IFFO2: variants seen among roughly 807,000 people sequenced by gnomAD.
IFFO2 encodes intermediate filament family orphan 2.
In IFFO2, 19 loss-of-function variants were observed where a neutral mutation model predicts 53.5. The observed-to-expected ratio is 0.36, with a 90% CI of 0.25 to 0.52. The LOEUF is 0.52. Ranked by LOEUF, IFFO2 falls within the 20% of genes least tolerant of loss-of-function variation. The probability of loss-of-function intolerance (pLI) is 0.94; values close to 1 mark genes in which losing one functional copy is unlikely to be tolerated. For synonymous variants in IFFO2, 303 were observed against 313.6 expected (o/e 0.97, Z 0.36); for missense variants, 570 against 727.4 (o/e 0.78, Z 2.49).
chr1:18,914,978 G>A (rs1337995135), intron 5 of IFFO2, among the ~76,000 whole-genome samples: 1 of 152,120 alleles, frequency 6.6e-6, no homozygotes, highest in Non-Finnish European at 1.5e-5. Flanking sequence ...TCTGTTTCAA[G>A]GGAATGGCAG....
At chr1:18,935,091 G>GC (rs1212525153) in intron 1 of IFFO2, among the ~76,000 whole-genome samples, 1 of 152,192 alleles carries the variant, frequency 6.6e-6, no homozygotes, top group Non-Finnish European at 1.5e-5. Flanking sequence ...TGCCCAGGGA[G>GC]CCAAGGAAAA....
At position 18,929,919 on chromosome 1, in the gene IFFO2, A is replaced by G. The variant is rs977600510; in HGVS notation, c.666-8798T>C. ...CCAGCCAAGCCAGAAAACAACTGCC[A>G]TGATCCCTGGACAAGCATCCTACAC... is the stretch of plus-strand genomic sequence containing the variant. On this transcript the variant is annotated intron_variant, in intron 1 of 8. Transcript: ENST00000455833. Among the ~76,000 whole-genome samples the G allele has an allele frequency of 2.6e-5, 4 of 152,216 alleles. 1 individual carries two copies. Among genetic ancestry groups the G allele is most frequent in the Non-Finnish European group, 5.9e-5 (4 of 68,036 alleles).
At chr1:18,914,635 G>A (rs527799652) in intron 5 of IFFO2, among the ~76,000 whole-genome samples, 24 of 151,818 alleles carry the variant, frequency 1.6e-4, no homozygotes, top group Admixed American at 3.9e-4. Context: ...TGGGCAACAC[G>A]GTAAAACCCA....
chr1:18,924,276 C>G (rs544889406), intron 1 of IFFO2, among the ~76,000 whole-genome samples: 2 of 151,822 alleles, frequency 1.3e-5, no homozygotes, highest in African/African-American at 4.8e-5. Flanking sequence ...TGCCCACCCA[C>G]CCAGAGCCAG....
chr1:18,930,083 A>C (rs1936355010), intron 1 of IFFO2, among the ~76,000 whole-genome samples: 1 of 152,166 alleles, frequency 6.6e-6, no homozygotes, highest in African/African-American at 2.4e-5. Flanking sequence ...AATCCCAGCT[A>C]TCCATCTTGC....
chr1:18,934,721 T>C (rs2148180980), intron 1 of IFFO2, among the ~76,000 whole-genome samples: 1 of 152,198 alleles, frequency 6.6e-6, no homozygotes, highest in East Asian at 1.9e-4. Context: ...TTTTCTCTTC[T>C]TATGAGATTG....
At chr1:18,910,097 T>A (rs753360293) in intron 8 of IFFO2, among the ~76,000 whole-genome samples, 5 of 152,188 alleles carry the variant, frequency 3.3e-5, no homozygotes, top group Admixed American at 6.5e-5. Context: ...TTGGCAAGTA[T>A]CTATTGAATC....
At position 18,908,513 on chromosome 1, in the gene IFFO2, T is replaced by G. The variant is rs1054292996; in HGVS notation, c.*48A>C. 2.2e-6 allele frequency: 3 copies of G among 1,366,552 alleles called. No homozygotes were observed. The highest frequency in any genetic ancestry group is 1.9e-4 in the Middle Eastern group (1 of 5,394). The allele number at this position is 1,366,552 out of a possible 1,614,324, so 84.7% of individuals were successfully genotyped here. A position where few individuals can be genotyped will look rare whatever the true frequency, so the allele number is the denominator to read the frequency against. On this transcript the variant is annotated 3_prime_UTR_variant, in exon 9 of 9. Transcript: ENST00000455833. Reference sequence around the variant, plus strand: ...GCCTTCCTGGCCCCATGAGGAGAGGTGGCAGGGCCCCATCACCAAGACCAC... The same window carrying G: ...GCCTTCCTGGCCCCATGAGGAGAGGGGGCAGGGCCCCATCACCAAGACCAC...
chr1:18,910,720 G>C (rs1016349589), intron 7 of IFFO2, among the ~76,000 whole-genome samples: 1 of 152,196 alleles, frequency 6.6e-6, no homozygotes, highest in Admixed American at 6.5e-5. Context: ...CAGCAGCCTG[G>C]CTCTGATGCA....
chr1:18,955,561 C>A, intron 1 of IFFO2, 107 bp downstream of exon 1: 2 of 1,408,906 alleles, frequency 1.4e-6, no homozygotes, highest in Non-Finnish European at 1.9e-6. Context: ...TCCAGCCCAC[C>A]TGCCAGTACC....
At chr1:18,932,956 C>G (rs751649584) in intron 1 of IFFO2, among the ~76,000 whole-genome samples, 1 of 152,234 alleles carries the variant, frequency 6.6e-6, no homozygotes, top group Non-Finnish European at 1.5e-5. Flanking sequence ...TCTGGAGACA[C>G]CCAGGCCCGG....
At chr1:18,941,904 G>A (rs1936526831) in intron 1 of IFFO2, among the ~76,000 whole-genome samples, 1 of 152,138 alleles carries the variant, frequency 6.6e-6, no homozygotes, top group Admixed American at 6.5e-5. Flanking sequence ...GGAGCCACAG[G>A]CTCCAGGTGA....
intron 1 of IFFO2, among the ~76,000 whole-genome samples, chr1:18,922,697 G>A (rs558269259): frequency 9.9e-4 from 151 of 152,236 alleles, no homozygotes; most frequent in African/African-American, 3.5e-3. Flanking sequence ...AGGGCTGGAG[G>A]GCACAGAGAA....
chr1:18,943,909 C>T (rs1046274631), intron 1 of IFFO2, among the ~76,000 whole-genome samples: 6 of 152,226 alleles, frequency 3.9e-5, no homozygotes, highest in East Asian at 1.9e-4. Flanking sequence ...GTACAGGCTC[C>T]GAGTCATGCC....
intron 1 of IFFO2, among the ~76,000 whole-genome samples, chr1:18,943,391 CT>C (rs1436522216): frequency 6.6e-6 from 1 of 151,926 alleles, no homozygotes. Context: ...AAAAAAATGT[CT>C]TTCCATATAA....
intron 1 of IFFO2, among the ~76,000 whole-genome samples, chr1:18,933,631 G>A (rs886463075): frequency 1.3e-5 from 2 of 152,200 alleles, no homozygotes; most frequent in African/African-American, 2.4e-5. Context: ...TGGTGGCACC[G>A]CTTATAGTCC....
At chr1:18,938,072 GAGGCCACTTGCAGCCACCCC>G (rs1936472019) in intron 1 of IFFO2, among the ~76,000 whole-genome samples, 1 of 148,882 alleles carries the variant, frequency 6.7e-6, no homozygotes, top group Admixed American at 6.9e-5. Context: ...GGCAAAGTGG[GAGGCCACTTGCAGCCACCCC>G]CTGTCCCTTA....
chr1:18,941,735 G>C (rs546963977), intron 1 of IFFO2, among the ~76,000 whole-genome samples: 80 of 152,334 alleles, frequency 5.3e-4, no homozygotes, highest in African/African-American at 1.9e-3. Context: ...TCCTGATCCT[G>C]GCCCTACCTC....
rs1318139467 is a variant in IFFO2, at chr1:18,908,552, C to G, written c.*9G>C. 1 of 1,545,440 alleles carries G rather than the reference C, an allele frequency of 6.5e-7. No individual in the cohort carries two copies. The highest frequency in any genetic ancestry group is 1.4e-5 in the African/African-American group (1 of 72,922). Reference sequence around the variant, plus strand: ...CACCAAGACCACCAGGCTCGCAGGGCCTCAGTCATCAGCTGACCATGGGCT... The same window carrying G: ...CACCAAGACCACCAGGCTCGCAGGGGCTCAGTCATCAGCTGACCATGGGCT... On this transcript the variant is annotated 3_prime_UTR_variant, in exon 9 of 9. Transcript: ENST00000455833.
Sources: gnomAD v4.1 joint callset for allele counts (sites outside exome capture counted in the v4.1 genomes callset) on GRCh38, gnomAD v4.1.1 for gene constraint, MANE v1.5 for transcripts, NCBI Gene and HGNC (gene_info 2026-07-23, HGNC 2026-07-21) for gene names.